The following ST8SIA6 variants were observed in gnomAD, a reference collection of about 807,000 sequenced individuals.
ST8SIA6 encodes the protein alpha-2,8-sialyltransferase 8F.
A neutral mutation model predicts 33.6 loss-of-function variants in ST8SIA6; 39 were observed. The ratio of observed to expected loss-of-function variants is 1.16; its 90% CI spans 0.90 to 1.52. The LOEUF is 1.52. Ranked by LOEUF, ST8SIA6 falls within the 40% of genes most tolerant of loss-of-function variation. The pLI, the probability that ST8SIA6 is intolerant of heterozygous loss-of-function variation, is 0.00. For missense variants in ST8SIA6, 441 were observed against 443.8 expected (o/e 0.99, Z 0.06); for synonymous variants, 172 against 167.2 (o/e 1.03, Z -0.22).
chr10:17,380,993 GTT>G (rs767228705), intron 3 of ST8SIA6, among the ~76,000 whole-genome samples: 8 of 149,208 alleles, frequency 5.4e-5, no homozygotes, highest in Non-Finnish European at 1.2e-4. Flanking sequence ...GGTTTTTTTT[GTT>G]TTTCTCTCCT....
intron 2 of ST8SIA6, among the ~76,000 whole-genome samples, chr10:17,449,265 A>G (rs1004747148): frequency 6.6e-6 from 1 of 152,134 alleles, no homozygotes; most frequent in African/African-American, 2.4e-5. Context: ...CACAAAGGAA[A>G]TAGAACATGA....
At chr10:17,447,001 T>C (rs1324314097) in intron 2 of ST8SIA6, among the ~76,000 whole-genome samples, 1 of 126,494 alleles carries the variant, frequency 7.9e-6, no homozygotes, top group Non-Finnish European at 1.6e-5. Flanking sequence ...TGAGCCAAGA[T>C]AGCGCCATTA....
intron 2 of ST8SIA6, among the ~76,000 whole-genome samples, chr10:17,414,031 C>T (rs533914103): frequency 1.3e-5 from 2 of 152,224 alleles, no homozygotes; most frequent in African/African-American, 2.4e-5. Context: ...CCAATACACG[C>T]CTCCTATCTT....
At chr10:17,355,341 C>T (rs139705380) in intron 4 of ST8SIA6, among the ~76,000 whole-genome samples, 75 of 152,294 alleles carry the variant, frequency 4.9e-4, no homozygotes, top group African/African-American at 1.7e-3. Context: ...CAGGATTTCT[C>T]ATTTGACTTT....
At chr10:17,447,505 G>T (rs1852761202) in intron 2 of ST8SIA6, among the ~76,000 whole-genome samples, 1 of 150,312 alleles carries the variant, frequency 6.7e-6, no homozygotes. Flanking sequence ...AAAGTTTCAT[G>T]ACTATAATCC....
At chr10:17,367,349 C>G (rs1246962340) in intron 3 of ST8SIA6, among the ~76,000 whole-genome samples, 1 of 152,112 alleles carries the variant, frequency 6.6e-6, no homozygotes, top group Non-Finnish European at 1.5e-5. Context: ...ATAAAACCAT[C>G]AGATCTCTTG....
intron 4 of ST8SIA6, among the ~76,000 whole-genome samples, chr10:17,341,161 A>T (rs1848660929): frequency 6.6e-6 from 1 of 152,228 alleles, no homozygotes; most frequent in African/African-American, 2.4e-5. Flanking sequence ...TGTGATCTGA[A>T]ATTGTATATT....
At chr10:17,328,811 C>G (rs576084533) in intron 5 of ST8SIA6, among the ~76,000 whole-genome samples, 1 of 152,136 alleles carries the variant, frequency 6.6e-6, no homozygotes, top group South Asian at 2.1e-4. Context: ...GTGCGCAGAA[C>G]GAACCTGACC....
intron 3 of ST8SIA6, among the ~76,000 whole-genome samples, chr10:17,370,601 C>A (rs1289462896): frequency 6.6e-6 from 1 of 152,042 alleles, no homozygotes; most frequent in Non-Finnish European, 1.5e-5. Flanking sequence ...TCCTACATAG[C>A]TCTATTCTTT....
chr10:17,350,868 G>C (rs79901413), intron 4 of ST8SIA6, among the ~76,000 whole-genome samples: 225 of 152,204 alleles, frequency 1.5e-3, no homozygotes, highest in African/African-American at 5.2e-3. Context: ...AGTAGAGTTT[G>C]ATCTTCAAAC....
At chr10:17,443,724 T>A (rs960815472) in intron 2 of ST8SIA6, among the ~76,000 whole-genome samples, 4 of 152,170 alleles carry the variant, frequency 2.6e-5, no homozygotes, top group African/African-American at 7.2e-5. Context: ...CTGGACAAGC[T>A]AAACTCCTAA....
Position 17,331,232 on chromosome 10 carries a change from G to C in ST8SIA6, c.522+176C>G, listed in dbSNP as rs1848288679. The stretch of plus-strand genomic sequence containing the variant: ...AAGATATAAATAATCCTTCCCTACA[G>C]AGCCACACTGCATTCAAAATGGCCC... On this transcript the variant is annotated intron_variant, in intron 5 of 7. Transcript: ENST00000377602. Among the ~76,000 whole-genome samples, 3 of 152,166 alleles carry C rather than the reference G, an allele frequency of 2.0e-5. No homozygotes were observed. In the South Asian group the frequency reaches 6.2e-4, roughly 32 times the overall value.
chr10:17,401,897 A>T (rs761388481), intron 2 of ST8SIA6, among the ~76,000 whole-genome samples: 3,303 of 150,578 alleles, frequency 0.022, 46 homozygotes, highest in South Asian at 0.042. Context: ...CTAAAACACC[A>T]AAAGCAATGG....
chr10:17,345,079 C>T (rs1230775077), intron 4 of ST8SIA6, among the ~76,000 whole-genome samples: 1 of 152,088 alleles, frequency 6.6e-6, no homozygotes, highest in Non-Finnish European at 1.5e-5. Flanking sequence ...ACGGTGCCGT[C>T]AGTCTACACT....
intron 2 of ST8SIA6, among the ~76,000 whole-genome samples, chr10:17,438,641 T>A (rs1453892403): frequency 6.6e-6 from 1 of 152,228 alleles, no homozygotes; most frequent in African/African-American, 2.4e-5. Context: ...CTCCTCCTCT[T>A]TATCTTTCTC....
chr10:17,423,093 T>C (rs185237870), intron 2 of ST8SIA6, among the ~76,000 whole-genome samples: 4 of 151,966 alleles, frequency 2.6e-5, no homozygotes, highest in African/African-American at 9.7e-5. Flanking sequence ...ACTCAGGGAG[T>C]GCTTGGTAAC....
At chr10:17,349,370 G>T in intron 4 of ST8SIA6, among the ~76,000 whole-genome samples, 1 of 152,124 alleles carries the variant, frequency 6.6e-6, no homozygotes, top group South Asian at 2.1e-4. Flanking sequence ...GATACCAAGA[G>T]TTTAAACTAG....
At chr10:17,357,971 A>C (rs1375121120) in intron 4 of ST8SIA6, among the ~76,000 whole-genome samples, 2 of 152,144 alleles carry the variant, frequency 1.3e-5, no homozygotes, top group East Asian at 3.9e-4. Context: ...ATGATTGTGC[A>C]ATTTTCAATC....
intron 3 of ST8SIA6, chr10:17,387,063 C>G (rs1831274255): frequency 6.6e-6 from 1 of 152,144 alleles, no homozygotes; most frequent in Non-Finnish European, 1.5e-5. Flanking sequence ...GCAAAAGAGC[C>G]CAGAACCTAT....
Sources: allele counts gnomAD v4.1 joint callset (sites outside exome capture counted in the v4.1 genomes callset), GRCh38; gene constraint gnomAD v4.1.1; transcripts MANE v1.5; gene names NCBI Gene and HGNC (gene_info 2026-07-23, HGNC 2026-07-21).